WDFY3: variants seen among roughly 807,000 people sequenced by gnomAD.
WDFY3 encodes the protein WD repeat and FYVE domain-containing protein 3.
In WDFY3, 66 loss-of-function variants were observed where a neutral mutation model predicts 409.6. The ratio of observed to expected loss-of-function variants is 0.16; its 90% CI spans 0.13 to 0.20. WDFY3 has a LOEUF of 0.20. WDFY3 is among the 10% of genes least tolerant of loss of function. The pLI is 1.00. For synonymous variants in WDFY3, 1,521 were observed against 1,537.1 expected (o/e 0.99, Z 0.25); for missense variants, 3,031 against 4,298.1 (o/e 0.71, Z 8.24).
chr4:84,689,744 G>C (rs1340181510), intron 61 of WDFY3, among the ~76,000 whole-genome samples: 1 of 152,088 alleles, frequency 6.6e-6, no homozygotes, highest in African/African-American at 2.4e-5. Flanking sequence ...GGGTAAAATG[G>C]GGCTAATAAC....
intron 56 of WDFY3, 88 bp from the exon 57 acceptor site, chr4:84,696,911 T>C: frequency 8.8e-7 from 1 of 1,140,486 alleles, no homozygotes; most frequent in Non-Finnish European, 1.3e-6. Flanking sequence ...AAATGGTGGG[T>C]TAGATTCAAT....
At chr4:84,926,339 G>A (rs1769990682) in intron 2 of WDFY3, among the ~76,000 whole-genome samples, 1 of 151,588 alleles carries the variant, frequency 6.6e-6, no homozygotes, top group African/African-American at 2.4e-5. Context: ...AAAGATTAGT[G>A]TTTCTAAGAC....
At chr4:84,904,296 A>G (rs985744598) in intron 2 of WDFY3, among the ~76,000 whole-genome samples, 14 of 152,084 alleles carry the variant, frequency 9.2e-5, no homozygotes, top group Admixed American at 8.5e-4. Flanking sequence ...GCTGGAGTGC[A>G]ATGGCGCGAT....
intron 4 of WDFY3, among the ~76,000 whole-genome samples, chr4:84,857,939 C>T (rs1760005095): frequency 6.6e-6 from 1 of 152,090 alleles, no homozygotes; most frequent in Non-Finnish European, 1.5e-5. Flanking sequence ...TCAGGTATTG[C>T]TTTCTCTACT....
At chr4:84,770,323 C>T (rs774786833) in intron 30 of WDFY3, among the ~76,000 whole-genome samples, 7 of 152,064 alleles carry the variant, frequency 4.6e-5, no homozygotes, top group African/African-American at 1.7e-4. Flanking sequence ...CCACCGCGCC[C>T]GGCCGAGTTA....
intron 25 of WDFY3, among the ~76,000 whole-genome samples, chr4:84,782,503 C>G (rs1746711835): frequency 6.6e-6 from 1 of 152,116 alleles, no homozygotes; most frequent in Admixed American, 6.5e-5. Context: ...GCACCACATG[C>G]ATTAGGTATT....
chr4:84,696,939 G>C (rs917984650), intron 56 of WDFY3, 116 bp from the exon 57 acceptor site: 26 of 815,834 alleles, frequency 3.2e-5, no homozygotes, highest in Non-Finnish European at 4.6e-5. Flanking sequence ...CGCTAAAATT[G>C]TACACCAGAA....
At chr4:84,804,341 A>G (rs1751156500) in intron 15 of WDFY3, among the ~76,000 whole-genome samples, 1 of 152,192 alleles carries the variant, frequency 6.6e-6, no homozygotes, top group South Asian at 2.1e-4. Context: ...TGTCACAGAG[A>G]GCAATGCAGT....
chr4:84,834,952 C>T (rs934286272), intron 7 of WDFY3, among the ~76,000 whole-genome samples: 7 of 152,132 alleles, frequency 4.6e-5, no homozygotes, highest in African/African-American at 1.4e-4. Context: ...GAAAGTGATA[C>T]ACTAAAAGCA....
intron 49 of WDFY3, 76 bp from the exon 50 acceptor site, chr4:84,715,459 A>G: frequency 1.1e-6 from 1 of 893,280 alleles, no homozygotes; most frequent in Non-Finnish European, 1.8e-6. Context: ...CTTTTCCACT[A>G]TAAATTTCTA....
intron 3 of WDFY3, among the ~76,000 whole-genome samples, chr4:84,885,488 A>G (rs1288599163): frequency 2.0e-5 from 3 of 152,110 alleles, no homozygotes; most frequent in Non-Finnish European, 1.5e-5. Flanking sequence ...GGAACACTGT[A>G]AGCCAACAAA....
chr4:84,890,124 T>C (rs1369679444), intron 3 of WDFY3, among the ~76,000 whole-genome samples: 1 of 152,094 alleles, frequency 6.6e-6, no homozygotes, highest in Non-Finnish European at 1.5e-5. Context: ...TTTTTTTAAC[T>C]AGTGTCTCAC....
At chr4:84,929,885 T>A (rs1211413979) in intron 2 of WDFY3, among the ~76,000 whole-genome samples, 1 of 151,200 alleles carries the variant, frequency 6.6e-6, no homozygotes, top group Non-Finnish European at 1.5e-5. Flanking sequence ...CACTCCAGCC[T>A]GGGCAACAAG....
At chr4:84,764,949 C>T (rs1743372412) in intron 32 of WDFY3, among the ~76,000 whole-genome samples, 1 of 151,758 alleles carries the variant, frequency 6.6e-6, no homozygotes, top group Non-Finnish European at 1.5e-5. Flanking sequence ...GACACTGATA[C>T]TTAAACTTTT....
At chr4:84,693,891 G>A (rs1379881762) in intron 58 of WDFY3, among the ~76,000 whole-genome samples, 22 of 131,122 alleles carry the variant, frequency 1.7e-4, no homozygotes, top group Admixed American at 4.0e-4. Context: ...GCGAGACTCC[G>A]TCTCAAAAAA....
In WDFY3 at chr4:84,766,038, C is replaced by T; in HGVS notation, c.4971-11G>A. On this transcript the variant is annotated splice_polypyrimidine_tract_variant and intron_variant, in intron 31 of 67. Coordinates refer to ENST00000295888, the MANE Select transcript of WDFY3 (RefSeq NM_014991.6). Reference sequence around the variant, plus strand: ...AGTTCTTCACAAGCTCTATTCAAGACAGATGGATTTAAAAAACAAAAAACA... The same window carrying T: ...AGTTCTTCACAAGCTCTATTCAAGATAGATGGATTTAAAAAACAAAAAACA... 6.3e-7 allele frequency: 1 copy of T among 1,594,086 alleles called. No homozygotes were observed. The highest frequency in any genetic ancestry group is 8.5e-7 in the Non-Finnish European group (1 of 1,172,824).
rs1756087979 is a variant in WDFY3 at position 84,833,643 on chromosome 4, G to A, written c.577-2038C>T. On this transcript the variant is annotated intron_variant, in intron 7 of 67. Transcript: ENST00000295888. ...CACTTCAGTCTAGATGACAGAGTGA[G>A]ACCTTGTCTCAAAAGAGAAAAAGAA... is the stretch of plus-strand genomic sequence containing the variant. Among the ~76,000 whole-genome samples, 3 of 145,090 alleles carry A rather than the reference G, an allele frequency of 2.1e-5. No individual in the cohort carries two copies. In the Admixed American group the frequency reaches 2.2e-4, roughly 10 times the overall value.
intron 10 of WDFY3, among the ~76,000 whole-genome samples, chr4:84,826,379 T>C (rs1754867273): frequency 6.6e-6 from 1 of 152,164 alleles, no homozygotes; most frequent in Admixed American, 6.5e-5. Context: ...GGGACTTGAG[T>C]ATCTGTGGAT....
At chr4:84,677,829 G>A (rs1377018977) in intron 66 of WDFY3, among the ~76,000 whole-genome samples, 1 of 151,434 alleles carries the variant, frequency 6.6e-6, no homozygotes, top group African/African-American at 2.4e-5. Context: ...CGGGTGTGAT[G>A]GTGCACGCCT....
Sources: allele counts gnomAD v4.1 joint callset (sites outside exome capture counted in the v4.1 genomes callset), GRCh38; gene constraint gnomAD v4.1.1; transcripts MANE v1.5; gene names NCBI Gene and HGNC (gene_info 2026-07-23, HGNC 2026-07-21).